The following KIF6 variants were observed in gnomAD, a reference collection of about 807,000 sequenced individuals.
The protein encoded by KIF6 is kinesin family member 6.
In KIF6, 106 loss-of-function variants were observed where a neutral mutation model predicts 112.7. That is an observed-to-expected ratio of 0.94 (90% CI 0.80 to 1.11). The LOEUF is 1.11. Among genes scored for constraint, KIF6 ranks in the 50% least tolerant of loss-of-function variants. The pLI is 0.00. For synonymous variants in KIF6, 339 were observed against 339.9 expected (o/e 1.00, Z 0.03); for missense variants, 929 against 964.0 (o/e 0.96, Z 0.48).
intron 13 of KIF6, among the ~76,000 whole-genome samples, chr6:39,444,249 C>CT (rs953194124): frequency 8.6e-5 from 13 of 151,376 alleles, no homozygotes; most frequent in Admixed American, 1.3e-4. Context: ...CTTTTTTTTT[C>CT]TTTTTTTGGA....
intron 5 of KIF6, among the ~76,000 whole-genome samples, chr6:39,624,141 T>A (rs1390666658): frequency 6.6e-6 from 1 of 152,200 alleles, no homozygotes; most frequent in African/African-American, 2.4e-5. Flanking sequence ...TCTTTTCACA[T>A]GTACATACAT....
intron 3 of KIF6, among the ~76,000 whole-genome samples, chr6:39,656,918 T>A (rs116211554): frequency 6.6e-6 from 1 of 152,166 alleles, no homozygotes; most frequent in Non-Finnish European, 1.5e-5. Flanking sequence ...CTAATTTTCT[T>A]GTCTATTTGA....
chr6:39,644,468 G>C (rs1410403647), intron 3 of KIF6, among the ~76,000 whole-genome samples: 1 of 152,002 alleles, frequency 6.6e-6, no homozygotes, highest in Non-Finnish European at 1.5e-5. Flanking sequence ...CCATTCCATG[G>C]GATATTATTT....
At chr6:39,668,861 T>C (rs1786637717) in intron 3 of KIF6, among the ~76,000 whole-genome samples, 1 of 151,982 alleles carries the variant, frequency 6.6e-6, no homozygotes, top group Admixed American at 6.5e-5. Context: ...TTTTCAGTAA[T>C]GAAAAATGAA....
At chr6:39,429,518 A>G (rs1387202613) in intron 14 of KIF6, among the ~76,000 whole-genome samples, 1 of 151,868 alleles carries the variant, frequency 6.6e-6, no homozygotes, top group East Asian at 1.9e-4. Context: ...CCTTTCTCTT[A>G]CCATTAGCTT....
chr6:39,492,133 C>A (rs1191045755), intron 13 of KIF6, among the ~76,000 whole-genome samples: 2 of 152,160 alleles, frequency 1.3e-5, no homozygotes, highest in African/African-American at 4.8e-5. Context: ...ACCTCTCTGA[C>A]CCTTTAGACA....
chr6:39,512,609 T>A (rs569207026), intron 13 of KIF6, among the ~76,000 whole-genome samples: 6 of 152,230 alleles, frequency 3.9e-5, no homozygotes, highest in African/African-American at 7.2e-5. Context: ...CCCTCTATGC[T>A]GGCACAGGTT....
chr6:39,401,515 C>G (rs138328626), intron 15 of KIF6, among the ~76,000 whole-genome samples: 1 of 152,232 alleles, frequency 6.6e-6, no homozygotes, highest in Non-Finnish European at 1.5e-5. Flanking sequence ...CTTGGAGACT[C>G]TAGGGGCCTG....
At chr6:39,486,717 G>A (rs1452314382) in intron 13 of KIF6, among the ~76,000 whole-genome samples, 1 of 152,166 alleles carries the variant, frequency 6.6e-6, no homozygotes, top group Non-Finnish European at 1.5e-5. Flanking sequence ...AAGTCCAAGT[G>A]GCTGAATGCC....
intron 9 of KIF6, among the ~76,000 whole-genome samples, chr6:39,582,662 G>T (rs1345157403): frequency 6.6e-6 from 1 of 152,038 alleles, no homozygotes. Context: ...TGATCCATCC[G>T]CCTCAGCCTC....
At position 39,331,307 on chromosome 6, in the gene KIF6, C is replaced by T. The variant is rs1301745239; in HGVS notation, c.*5225G>A. The T allele has an allele frequency of 6.6e-6, 1 of 152,214 alleles. No individual in the cohort carries two copies. Among genetic ancestry groups the T allele is most frequent in the African/African-American group, 2.4e-5 (1 of 41,430 alleles). 9.4% of individuals were successfully genotyped at this position (152,214 alleles called of 1,614,324 possible). On this transcript the variant is annotated 3_prime_UTR_variant, in exon 23 of 23. Coordinates refer to ENST00000287152, the MANE Select transcript of KIF6 (RefSeq NM_145027.6). ...TCAGCCTCCCGAGTAGCTGAGACTA[C>T]AGGCGCTTGCTACCATGCCCAGCTA...
rs76678823 is a variant in KIF6, at chr6:39,629,263, G to A, written c.509+5586C>T. Among the ~76,000 whole-genome samples, 50 of 152,204 alleles carry A rather than the reference G, an allele frequency of 3.3e-4. No individual in the cohort carries two copies. The East Asian group carries it at 3.9e-3, about 12-fold the overall frequency. ...AGAAACTGCCAATTTGTCTTCCAAA[G>A]TGGTGGGATCATTCTGCATTCCCAT... On this transcript the variant is annotated intron_variant, in intron 5 of 22. Coordinates refer to ENST00000287152, the MANE Select transcript of KIF6 (RefSeq NM_145027.6).
At chr6:39,597,276 C>T (rs1054390192) in intron 6 of KIF6, among the ~76,000 whole-genome samples, 1 of 152,134 alleles carries the variant, frequency 6.6e-6, no homozygotes, top group Non-Finnish European at 1.5e-5. Context: ...ATGCTGTTTG[C>T]ACTTCCTTAC....
intron 16 of KIF6, among the ~76,000 whole-genome samples, chr6:39,364,070 C>A (rs114907578): frequency 1.3e-5 from 2 of 151,858 alleles, no homozygotes; most frequent in African/African-American, 4.8e-5. Flanking sequence ...TGAACAACAA[C>A]ATCAAAATAT....
chr6:39,616,154 C>T lies in KIF6; in HGVS notation c.510-2836G>A, dbSNP rs1364132080. Among the ~76,000 whole-genome samples, 3 of 152,326 alleles carry T rather than the reference C, an allele frequency of 2.0e-5. No homozygotes were observed. In the East Asian group the frequency reaches 5.8e-4, roughly 29 times the overall value. On this transcript the variant is annotated intron_variant, in intron 5 of 22. Transcript: ENST00000287152. ...CGATTATATTTATATAGAATAATTA[C>T]ATGCATAAGGTAAAAAGTGTTAAAT...
intron 3 of KIF6, among the ~76,000 whole-genome samples, chr6:39,711,811 A>G (rs1171728566): frequency 6.6e-6 from 1 of 152,234 alleles, no homozygotes; most frequent in Non-Finnish European, 1.5e-5. Flanking sequence ...TCAGACAGAA[A>G]TATCAGTTGA....
chr6:39,465,727 G>A (rs1300323446), intron 13 of KIF6, among the ~76,000 whole-genome samples: 5 of 152,056 alleles, frequency 3.3e-5, no homozygotes, highest in Non-Finnish European at 7.4e-5. Flanking sequence ...CCTACCCTAC[G>A]ACTTTTCTTC....
intron 3 of KIF6, among the ~76,000 whole-genome samples, chr6:39,647,792 C>T (rs556630568): frequency 6.6e-5 from 10 of 151,166 alleles, no homozygotes; most frequent in African/African-American, 2.2e-4. Flanking sequence ...CTGCAACCTC[C>T]GCCTCCCGGG....
At chr6:39,409,373 C>T (rs1199596728) in intron 15 of KIF6, among the ~76,000 whole-genome samples, 4 of 152,184 alleles carry the variant, frequency 2.6e-5, no homozygotes, top group Non-Finnish European at 4.4e-5. Context: ...GTTTTGCCAC[C>T]GAAACTGCCT....
Sources: allele counts gnomAD v4.1 joint callset (sites outside exome capture counted in the v4.1 genomes callset), GRCh38; gene constraint gnomAD v4.1.1; transcripts MANE v1.5; gene names NCBI Gene and HGNC (gene_info 2026-07-23, HGNC 2026-07-21).